ATP13A5: variants seen among roughly 807,000 people sequenced by gnomAD.
The protein encoded by ATP13A5 is probable cation-transporting ATPase 13A5.
A neutral mutation model predicts 150.2 loss-of-function variants in ATP13A5; 149 were observed. That is an observed-to-expected ratio of 0.99 (90% CI 0.87 to 1.14). The LOEUF (loss-of-function observed/expected upper bound fraction) is 1.14, where lower values mean the gene tolerates loss of function less well. Among genes scored for constraint, ATP13A5 ranks in the 50% most tolerant of loss-of-function variants. The probability of loss-of-function intolerance (pLI) is 0.00; values close to 1 mark genes in which losing one functional copy is unlikely to be tolerated. For missense variants in ATP13A5, 1,383 were observed against 1,449.3 expected, an observed-to-expected ratio of 0.95 and a Z score of 0.74; for synonymous variants, 497 against 522.2, an observed-to-expected ratio of 0.95 and a Z score of 0.66.
intron 9 of ATP13A5, among the ~76,000 whole-genome samples, chr3:193,336,927 T>G (rs1305947228): frequency 6.6e-6 from 1 of 152,184 alleles, no homozygotes; most frequent in East Asian, 1.9e-4. Context: ...ATGATTGCCA[T>G]TCTAACTGGT....
At chr3:193,352,307 G>A (rs1413938948) in intron 6 of ATP13A5, among the ~76,000 whole-genome samples, 1 of 151,978 alleles carries the variant, frequency 6.6e-6, no homozygotes, top group Non-Finnish European at 1.5e-5. Flanking sequence ...TAGCTTTTTT[G>A]TTTGCTTATT....
rs138137992 is a variant in ATP13A5, at chr3:193,331,266, C to T, written c.1318G>A (p.Val440Met). The change falls in exon 12 of 30, where the codon GTG (valine) becomes ATG (methionine). Residue 440 changes from valine to methionine, a missense_variant. Val to Met is a conservative substitution (Grantham distance 21). Around this residue, in one of 3 missense-constraint regions of ATP13A5, gnomAD observed 787 missense variants for 771.9 expected, o/e 1.02. Coordinates refer to ENST00000342358, the MANE Select transcript of ATP13A5 (RefSeq NM_198505.4). ...TVTMALILLTVTVPPVLPAAL... is the reference protein window; with the variant it reads ...TVTMALILLTMTVPPVLPAAL... ...GCTGGCAGCACTGGAGGGACAGTCA[C>T]GGTGAGGAGGATCAGGGCCATGGTC... The T allele has an allele frequency of 7.9e-5, 127 of 1,613,960 alleles. No homozygotes were observed. Among genetic ancestry groups the T allele is most frequent in the African/African-American group, 4.4e-4 (33 of 75,038 alleles).
At chr3:193,329,126 T>A (rs142726367) in intron 12 of ATP13A5, among the ~76,000 whole-genome samples, 4,133 of 152,072 alleles carry the variant, frequency 0.027, 97 homozygotes, top group Non-Finnish European at 0.045. Flanking sequence ...ACGCCTGTAA[T>A]CCCAGCTACT....
At chr3:193,359,479 T>C (rs1162348396) in intron 5 of ATP13A5, among the ~76,000 whole-genome samples, 1 of 152,222 alleles carries the variant, frequency 6.6e-6, no homozygotes, top group Non-Finnish European at 1.5e-5. Flanking sequence ...CTTGGAGCTA[T>C]GCATTAATGG....
intron 25 of ATP13A5, among the ~76,000 whole-genome samples, chr3:193,297,706 G>A (rs1447453736): frequency 6.6e-6 from 1 of 151,978 alleles, no homozygotes; most frequent in Admixed American, 6.6e-5. Context: ...TCTGAGATGC[G>A]AGACTGAGTT....
intron 2 of ATP13A5, among the ~76,000 whole-genome samples, chr3:193,363,831 G>A (rs1325082320): frequency 6.6e-6 from 1 of 152,166 alleles, no homozygotes; most frequent in South Asian, 2.1e-4. Flanking sequence ...CACTGCTCAT[G>A]TAATGGCTAA....
intron 1 of ATP13A5, among the ~76,000 whole-genome samples, chr3:193,366,278 G>A (rs185875993): frequency 3.1e-4 from 47 of 151,982 alleles, no homozygotes; most frequent in Admixed American, 2.0e-3. Context: ...AAATGCATGT[G>A]GCCTTAATGC....
intron 1 of ATP13A5, among the ~76,000 whole-genome samples, chr3:193,365,757 T>C (rs112372489): frequency 7.2e-5 from 11 of 152,104 alleles, no homozygotes; most frequent in African/African-American, 2.7e-4. Context: ...TTTCTGTTTA[T>C]TTGTATACAG....
At position 193,284,928 on chromosome 3, in the gene ATP13A5, G is replaced by A. The variant is rs538898502; in HGVS notation, c.3212C>T (p.Pro1071Leu). Residue 1071 changes from proline (P) to leucine (L), a missense_variant, in exon 27 of 30, where the codon CCC becomes CTC. Pro to Leu is a moderately conservative substitution (Grantham distance 98). This residue lies in a region of ATP13A5 where 568 missense variants were observed against 621.5 expected (regional missense o/e 0.91). Coordinates refer to ENST00000342358, the MANE Select transcript of ATP13A5 (RefSeq NM_198505.4). Reference protein sequence around the residue: ...IFSKGKPFRKPIYTNYIFSFL... With the variant: ...IFSKGKPFRKLIYTNYIFSFL... ...TATATACTTACAGTTTGTATAGATG[G>A]GTTTTCGAAATGGCTTTCCCTTAGA... 1.2e-6 allele frequency: 2 copies of A among 1,613,202 alleles called. No homozygotes were observed. The highest frequency in any genetic ancestry group is 1.7e-6 in the Non-Finnish European group (2 of 1,179,476).
chr3:193,289,952 T>C lies in ATP13A5; in HGVS notation c.2956A>G (p.Ile986Val). 1 of 1,612,922 alleles carries C rather than the reference T, an allele frequency of 6.2e-7. No individual in the cohort carries two copies. Among genetic ancestry groups the C allele is most frequent in the Non-Finnish European group, 8.5e-7 (1 of 1,179,274 alleles). The change falls in exon 26 of 30, where the codon ATT (isoleucine) becomes GTT (valine). Residue 986 changes from isoleucine (I) to valine (V), a missense_variant. By Grantham distance (29) the Ile-to-Val change is conservative. Transcript: ENST00000342358. ...TAGAGAAATGCACTGATCTGCACAATGCAGGAGAAACAGGAATTCAAAAAT... is the reference window on the plus strand; with the variant it reads ...TAGAGAAATGCACTGATCTGCACAACGCAGGAGAAACAGGAATTCAAAAAT... ...SIFLNSCFSC[I>V]VQISAFLYVK...
chr3:193,353,233 G>T (rs1237044078), intron 6 of ATP13A5, among the ~76,000 whole-genome samples: 1 of 150,034 alleles, frequency 6.7e-6, no homozygotes, highest in South Asian at 2.1e-4. Flanking sequence ...CCAACTGGAG[G>T]CAAACAAAGC....
chr3:193,324,915 C>G lies in ATP13A5; in HGVS notation c.1623G>C (p.Gly541=), dbSNP rs748314947. 1.9e-5 allele frequency: 31 copies of G among 1,613,986 alleles called. No homozygotes were observed. Among genetic ancestry groups the G allele is most frequent in the Non-Finnish European group, 2.6e-5 (31 of 1,179,966 alleles). The stretch of plus-strand genomic sequence containing the variant: ...GGTCCAGAGGGTCTCCCTGGATGGT[C>G]CCATTGAGAAGGATCAGAGAGTGGC... The part of the protein sequence containing the change: ...ASCHSLILLN[G]TIQGDPLDLK... Residue 541 remains glycine (G), a synonymous_variant, in exon 14 of 30, where the codon GGG becomes GGC. Transcript: ENST00000342358.
At chr3:193,333,961 C>T in intron 10 of ATP13A5, 54 bp from the exon 11 acceptor site, 1 of 1,539,300 alleles carries the variant, frequency 6.5e-7, no homozygotes, top group Non-Finnish European at 8.8e-7. Flanking sequence ...CACTTGGTCT[C>T]CTAAAAATGG....
intron 8 of ATP13A5, among the ~76,000 whole-genome samples, chr3:193,344,662 G>A (rs2367602): frequency 0.97 from 147,089 of 152,296 alleles, 71,056 homozygotes; most frequent in African/African-American, 0.99. Flanking sequence ...AATGTTATTC[G>A]AATGAGTGAC....
chr3:193,319,771 C>CAA (rs66897485), intron 16 of ATP13A5, among the ~76,000 whole-genome samples: 2 of 151,604 alleles, frequency 1.3e-5, no homozygotes, highest in Non-Finnish European at 2.9e-5. Context: ...GATCAGGGGT[C>CAA]AAAAAAACAA....
chr3:193,338,608 T>C lies in ATP13A5; in HGVS notation c.944-3509A>G, dbSNP rs574509191. The stretch of plus-strand genomic sequence containing the variant: ...CGACTTCATCATGGTGGATAAGCTT[T>C]TTGATGTGCTGCTGGATTTGGTTTG... On this transcript the variant is annotated intron_variant, in intron 9 of 29. Transcript: ENST00000342358. Among the ~76,000 whole-genome samples, 4 of 152,308 alleles carry C rather than the reference T, an allele frequency of 2.6e-5. 1 individual carries two copies. The South Asian group carries it at 8.3e-4, about 32-fold the overall frequency.
At chr3:193,368,879 CA>C (rs915166480) in intron 1 of ATP13A5, among the ~76,000 whole-genome samples, 1 of 152,100 alleles carries the variant, frequency 6.6e-6, no homozygotes, top group African/African-American at 2.4e-5. Context: ...CTATGAACCT[CA>C]AGTAGGCAAA....
chr3:193,311,227 G>A (rs560790283), intron 20 of ATP13A5, among the ~76,000 whole-genome samples: 1 of 152,314 alleles, frequency 6.6e-6, no homozygotes, highest in South Asian at 2.1e-4. Flanking sequence ...TCTAGATTCT[G>A]TGGACTTTGA....
intron 9 of ATP13A5, among the ~76,000 whole-genome samples, chr3:193,341,411 AAAGTCCTCGT>A (rs1712123111): frequency 6.6e-6 from 1 of 152,138 alleles, no homozygotes. Flanking sequence ...TAGCTAAATC[AAAGTCCTCGT>A]ACTGGGAGTT....
Sources: allele counts gnomAD v4.1 joint callset (sites outside exome capture counted in the v4.1 genomes callset), GRCh38; gene constraint gnomAD v4.1.1; regional missense constraint gnomAD v4.1.1; transcripts MANE v1.5; gene names NCBI Gene and HGNC (gene_info 2026-07-23, HGNC 2026-07-21).